OTOF: variants seen among roughly 807,000 people sequenced by gnomAD.
OTOF encodes otoferlin.
In OTOF, 218 loss-of-function variants were observed where a neutral mutation model predicts 236.8. That is an observed-to-expected ratio of 0.92 (90% CI 0.82 to 1.03). The LOEUF is 1.03. Ranked by LOEUF, OTOF falls within the 50% of genes least tolerant of loss-of-function variation. OTOF has a pLI of 0.00. For missense variants in OTOF, 2,590 were observed against 2,694.4 expected, an observed-to-expected ratio of 0.96 and a Z score of 0.86; for synonymous variants, 1,041 against 1,072.5, an observed-to-expected ratio of 0.97 and a Z score of 0.57.
At position 26,543,727 on chromosome 2, in the gene OTOF, AT is replaced by A. The variant is rs201830241; in HGVS notation, c.80-5954del. Among the ~76,000 whole-genome samples, 159 of 152,194 alleles carry A rather than the reference AT, an allele frequency of 1.0e-3. 1 individual carries two copies. In the East Asian group the frequency reaches 0.02, roughly 19 times the overall value. On this transcript the variant is annotated intron_variant, in intron 1 of 46. Transcript: ENST00000272371. Reference sequence around the variant, plus strand: ...CTTCATTCTATTTTGTTTTGAATTTATTTTTTTGAGACGGAGTCTTGATCTG... The same window carrying A: ...CTTCATTCTATTTTGTTTTGAATTTATTTTTTGAGACGGAGTCTTGATCTG...
rs1418928005 is a variant in OTOF, at chr2:26,466,879, G to A, written c.4363-28C>T. ...GGGCAAGACAAATGTGGGTCAGGGT[G>A]TAGGTTTGCCTGGCAAGGGTGGCAT... On this transcript the variant is annotated intron_variant, in intron 35 of 46. Transcript: ENST00000272371. 2.5e-6 allele frequency: 4 copies of A among 1,613,956 alleles called. No homozygotes were observed. The African/African-American group carries it at 4.0e-5, about 16-fold the overall frequency.
intron 15 of OTOF, among the ~76,000 whole-genome samples, chr2:26,480,555 G>T (rs942163870): frequency 3.9e-5 from 6 of 152,260 alleles, no homozygotes; most frequent in African/African-American, 1.4e-4. Flanking sequence ...AGGCACCATC[G>T]TGAGACCTGG....
intron 11 of OTOF, among the ~76,000 whole-genome samples, chr2:26,488,361 A>G (rs1315478834): frequency 6.6e-6 from 1 of 152,228 alleles, no homozygotes; most frequent in Admixed American, 6.5e-5. Flanking sequence ...CACTCTGAGC[A>G]GTGCATTCAC....
chr2:26,547,571 T>TA lies in OTOF; in HGVS notation c.80-9798dup, dbSNP rs1229668868. Among the ~76,000 whole-genome samples, 9 of 152,218 alleles carry TA rather than the reference T, an allele frequency of 5.9e-5. No individual in the cohort carries two copies. The South Asian group carries it at 1.9e-3, about 32-fold the overall frequency. ...TTTCTACAGGCCGGGTGTGGTGGCT[T>TA]ACACCTGTAATCCCAGCACTTTGAG... On this transcript the variant is annotated intron_variant, in intron 1 of 46. Transcript: ENST00000272371.
At chr2:26,519,189 AC>A (rs1666613481) in intron 3 of OTOF, 80 bp from the exon 4 acceptor site, 4 of 987,614 alleles carry the variant, frequency 4.1e-6, no homozygotes, top group Non-Finnish European at 6.3e-6. Context: ...AAGGGCTGTG[AC>A]TGCTTGGGGA....
chr2:26,549,938 G>A (rs1667418957), intron 1 of OTOF, among the ~76,000 whole-genome samples: 1 of 152,184 alleles, frequency 6.6e-6, no homozygotes, highest in Non-Finnish European at 1.5e-5. Flanking sequence ...CTGTTACGGT[G>A]ACAGAGGAGC....
intron 3 of OTOF, among the ~76,000 whole-genome samples, chr2:26,523,345 C>T (rs1264881698): frequency 6.6e-6 from 1 of 152,232 alleles, no homozygotes; most frequent in Non-Finnish European, 1.5e-5. Context: ...AGGATGCCTC[C>T]TTCCTTCATA....
chr2:26,512,551 G>A (rs1448437703), intron 5 of OTOF, among the ~76,000 whole-genome samples: 1 of 152,224 alleles, frequency 6.6e-6, no homozygotes, highest in African/African-American at 2.4e-5. Context: ...CGCCCATGAG[G>A]TTAGGGATTC....
intron 26 of OTOF, 85 bp downstream of exon 26, chr2:26,474,428 G>T: frequency 3.4e-6 from 1 of 293,626 alleles, no homozygotes; most frequent in Non-Finnish European, 5.9e-6. Context: ...CCAGGCCCCA[G>T]CCTTCAGGGT....
intron 35 of OTOF, 56 bp downstream of exon 35, chr2:26,467,043 G>GT (rs200861730): frequency 0.019 from 30,268 of 1,573,702 alleles, 347 homozygotes; most frequent in Non-Finnish European, 0.022. Context: ...GGGGGAACCT[G>GT]TGGGGGGGGC....
chr2:26,506,653 T>G (rs547006691), intron 5 of OTOF, among the ~76,000 whole-genome samples: 10 of 152,366 alleles, frequency 6.6e-5, no homozygotes, highest in Admixed American at 5.2e-4. Context: ...TGAAAGTCAC[T>G]TTATTTCTTA....
rs780813841 is a variant in OTOF, at chr2:26,466,122, T to A, written c.4501-46A>T. 3 of 1,612,460 alleles carry A rather than the reference T, an allele frequency of 1.9e-6. No individual in the cohort carries two copies. The African/African-American group carries it at 4.0e-5, about 22-fold the overall frequency. ...GCCTGAGCAGGCTCCCATGCCCTGCTCATCTTCAGTGCCCCTGCCAGGCTG... is the reference window on the plus strand; with the variant it reads ...GCCTGAGCAGGCTCCCATGCCCTGCACATCTTCAGTGCCCCTGCCAGGCTG... On this transcript the variant is annotated intron_variant, in intron 36 of 46. Transcript: ENST00000272371.
At chr2:26,488,699 G>C (rs13430676) in intron 11 of OTOF, among the ~76,000 whole-genome samples, 1 of 152,198 alleles carries the variant, frequency 6.6e-6, no homozygotes, top group African/African-American at 2.4e-5. Context: ...CTTCACCCCC[G>C]GCCAGCTGTG....
rs747582086 is a variant in OTOF at position 26,472,573 on chromosome 2, A to T, written c.3810T>A (p.Thr1270=). ...TCTTGATGGGTACCTCTGGCTCCAT[A>T]GTCACCACAACCTCCCCTGTGGAGT... ...SSHSTGEVVV[T]MEPEVPIKKL... The change falls in exon 30 of 47, where the codon ACT becomes ACA. Residue 1270 remains threonine (T), a synonymous_variant. Coordinates refer to ENST00000272371, the MANE Select transcript of OTOF (RefSeq NM_194248.3). The T allele has an allele frequency of 6.8e-6, 11 of 1,613,480 alleles. No homozygotes were observed. The highest frequency in any genetic ancestry group is 9.3e-6 in the Non-Finnish European group (11 of 1,180,014).
At chr2:26,472,222 A>G in intron 30 of OTOF, 1 of 447,434 alleles carries the variant, frequency 2.2e-6, no homozygotes, top group East Asian at 4.7e-5. Context: ...CACCACACAT[A>G]CGCATGCACG....
At chr2:26,495,371 T>A (rs548661130) in intron 8 of OTOF, among the ~76,000 whole-genome samples, 13 of 152,192 alleles carry the variant, frequency 8.5e-5, no homozygotes, top group Admixed American at 1.3e-4. Context: ...AAAACACTGA[T>A]GCCCAGGCCA....
chr2:26,541,052 C>A (rs141018084), intron 1 of OTOF, among the ~76,000 whole-genome samples: 1 of 152,202 alleles, frequency 6.6e-6, no homozygotes, highest in Non-Finnish European at 1.5e-5. Flanking sequence ...TAAAGACCTG[C>A]TGCTCTGAAT....
intron 46 of OTOF, among the ~76,000 whole-genome samples, chr2:26,459,709 T>A (rs1184793716): frequency 6.6e-6 from 1 of 152,240 alleles, no homozygotes; most frequent in Admixed American, 6.5e-5. Context: ...AGCAAGCTAC[T>A]TCACCTCTTT....
Position 26,508,042 on chromosome 2 carries a change from G to A in OTOF, c.510-4197C>T, listed in dbSNP as rs557762062. 2.5e-3 allele frequency among the ~76,000 whole-genome samples: 382 copies of A among 152,226 alleles called. 1 individual carries two copies. The highest frequency in any genetic ancestry group is 0.01 in the Middle Eastern group (3 of 294). On this transcript the variant is annotated intron_variant, in intron 5 of 46. Coordinates refer to ENST00000272371, the MANE Select transcript of OTOF (RefSeq NM_194248.3). ...TGACCCGAGTGTTTCATTAATTCAG[G>A]TCTCTGGATTATTCTGAAAGCTAAT...
Sources: gnomAD v4.1 joint callset for allele counts (sites outside exome capture counted in the v4.1 genomes callset) on GRCh38, gnomAD v4.1.1 for gene constraint, MANE v1.5 for transcripts, NCBI Gene and HGNC (gene_info 2026-07-23, HGNC 2026-07-21) for gene names.